The following NPAS2 variants were observed in gnomAD, a reference collection of about 807,000 sequenced individuals.
NPAS2 encodes neuronal PAS domain protein 2.
NPAS2 carries 23 observed loss-of-function variants against 107.5 expected under a neutral mutation model. The ratio of observed to expected loss-of-function variants is 0.21; its 90% CI spans 0.15 to 0.30. The LOEUF (loss-of-function observed/expected upper bound fraction) is 0.30. NPAS2 is among the 10% of genes least tolerant of loss of function. The probability of loss-of-function intolerance (pLI) is 1.00; values close to 1 mark genes in which losing one functional copy is unlikely to be tolerated. For missense variants in NPAS2, 756 were observed against 1,043.3 expected (o/e 0.72, Z 3.79); for synonymous variants, 403 against 417.5 (o/e 0.97, Z 0.42).
At chr2:100,851,787 C>CATG (rs1678191049) in intron 1 of NPAS2, among the ~76,000 whole-genome samples, 1 of 152,182 alleles carries the variant, frequency 6.6e-6, no homozygotes, top group Admixed American at 6.5e-5. Context: ...TGTCTGGGGT[C>CATG]ATGAGTCCAT....
chr2:100,849,789 A>C (rs919142251), intron 1 of NPAS2, among the ~76,000 whole-genome samples: 1 of 152,082 alleles, frequency 6.6e-6, no homozygotes. Context: ...AGGAATGGAC[A>C]CAGCGTGGTT....
rs1389285414 is a variant in NPAS2 at position 100,964,184 on chromosome 2, C to T, written c.717+8C>T. On this transcript the variant is annotated splice_region_variant and intron_variant, in intron 8 of 20. Coordinates refer to ENST00000335681, the MANE Select transcript of NPAS2 (RefSeq NM_002518.4). ...ACACCACAATTCTTAAAGGCAAGTA[C>T]CTGAGAGGCAGTTCATTGTGCGGAG... The T allele has an allele frequency of 6.5e-7, 1 of 1,537,646 alleles. No homozygotes were observed. Among genetic ancestry groups the T allele is most frequent in the African/African-American group, 1.4e-5 (1 of 73,390 alleles).
At chr2:100,911,614 C>G (rs1346744962) in intron 2 of NPAS2, among the ~76,000 whole-genome samples, 2 of 151,762 alleles carry the variant, frequency 1.3e-5, no homozygotes, top group Non-Finnish European at 2.9e-5. Context: ...TCTCTGTCAG[C>G]CTTTCTTATA....
intron 1 of NPAS2, among the ~76,000 whole-genome samples, chr2:100,838,172 G>A (rs1238827109): frequency 2.1e-5 from 3 of 145,066 alleles, no homozygotes; most frequent in African/African-American, 5.1e-5. Context: ...CCCTGGGTTA[G>A]CTTTTTTTTT....
Position 100,985,238 on chromosome 2 carries a change from CCTT to C in NPAS2, c.1630-2839_1630-2837del, listed in dbSNP as rs150794649. ...TTCCATCCAGCCATCATCTGTCCATCCTTCCATCCGTCCTTCCATCCAGCCGCC... is the reference window on the plus strand; with the variant it reads ...TTCCATCCAGCCATCATCTGTCCATCCCATCCGTCCTTCCATCCAGCCGCC... On this transcript the variant is annotated intron_variant, in intron 16 of 20. Transcript: ENST00000335681. The C allele has an allele frequency of 3.1e-3, 467 of 152,664 alleles. 1 individual carries two copies. The highest frequency in any genetic ancestry group is 0.011 in the African/African-American group (443 of 41,390). The allele number at this position is 152,664 out of a possible 1,614,324, so 9.5% of individuals were successfully genotyped here. A position where few individuals can be genotyped will look rare whatever the true frequency, so the allele number is the denominator to read the frequency against.
chr2:100,982,839 C>G (rs935826656), intron 16 of NPAS2: 38 of 168,058 alleles, frequency 2.3e-4, no homozygotes, highest in African/African-American at 8.4e-4. Flanking sequence ...ATATCCATAT[C>G]ACAGCCTACT....
At chr2:100,943,697 A>G (rs904903482) in intron 5 of NPAS2, among the ~76,000 whole-genome samples, 3 of 152,198 alleles carry the variant, frequency 2.0e-5, no homozygotes, top group African/African-American at 7.2e-5. Context: ...GACATGATTG[A>G]CATGTTTGAA....
intron 1 of NPAS2, among the ~76,000 whole-genome samples, chr2:100,899,226 T>C (rs1385188709): frequency 6.7e-6 from 1 of 149,360 alleles, no homozygotes; most frequent in Non-Finnish European, 1.5e-5. Flanking sequence ...TGGACTTCTT[T>C]TTTTTTTTTT....
At chr2:100,939,374 T>C (rs1674441402) in intron 5 of NPAS2, among the ~76,000 whole-genome samples, 2 of 152,024 alleles carry the variant, frequency 1.3e-5, no homozygotes, top group Non-Finnish European at 2.9e-5. Flanking sequence ...GGTGGGGAGC[T>C]GGGGGGCTCT....
chr2:100,888,378 G>A (rs776705406), intron 1 of NPAS2, among the ~76,000 whole-genome samples: 23 of 152,234 alleles, frequency 1.5e-4, no homozygotes, highest in African/African-American at 3.4e-4. Context: ...GGGATGAGCC[G>A]TGGGGGCGGA....
intron 5 of NPAS2, among the ~76,000 whole-genome samples, chr2:100,941,903 C>T (rs533912437): frequency 6.6e-6 from 1 of 152,264 alleles, no homozygotes; most frequent in East Asian, 1.9e-4. Context: ...TGCAGTGTTG[C>T]CTAATGAGCT....
chr2:100,904,627 C>A (rs761677129), intron 1 of NPAS2, 106 bp from the exon 2 acceptor site: 54 of 800,876 alleles, frequency 6.7e-5, no homozygotes, highest in Non-Finnish European at 9.2e-5. Context: ...GTTTGAGAAC[C>A]ACTGGGCTAA....
chr2:100,821,115 C>G (rs1676044281), intron 1 of NPAS2: 3 of 1,304,618 alleles, frequency 2.3e-6, no homozygotes, highest in Non-Finnish European at 3.0e-6. Context: ...CTGGGCAGGT[C>G]GGTAACCAGG....
At chr2:100,852,206 C>T (rs901933773) in intron 1 of NPAS2, among the ~76,000 whole-genome samples, 1 of 151,976 alleles carries the variant, frequency 6.6e-6, no homozygotes, top group African/African-American at 2.4e-5. Context: ...ACCATCCTGG[C>T]TAACACGGTG....
intron 3 of NPAS2, among the ~76,000 whole-genome samples, chr2:100,929,303 C>T (rs746860884): frequency 5.3e-5 from 8 of 152,128 alleles, no homozygotes; most frequent in African/African-American, 9.7e-5. Flanking sequence ...GAATCTAAGC[C>T]CAGCAGCCTG....
At chr2:100,960,047 GA>G (rs1488131289) in intron 7 of NPAS2, among the ~76,000 whole-genome samples, 1 of 152,104 alleles carries the variant, frequency 6.6e-6, no homozygotes, top group Non-Finnish European at 1.5e-5. Context: ...CATCATGGCT[GA>G]TTTGGGAGCT....
In NPAS2 at chr2:100,904,716, T is replaced by G; in HGVS notation, c.-22-17T>G. ...GTAATTATCCATTCTTTTTAATTTTTTTTTTTTTTTTTGCAGGAAAAACTG... is the reference window on the plus strand; with the variant it reads ...GTAATTATCCATTCTTTTTAATTTTGTTTTTTTTTTTTGCAGGAAAAACTG... On this transcript the variant is annotated splice_polypyrimidine_tract_variant and intron_variant, in intron 1 of 20. Coordinates refer to ENST00000335681, the MANE Select transcript of NPAS2 (RefSeq NM_002518.4). 6.7e-7 allele frequency: 1 copy of G among 1,493,466 alleles called. No individual in the cohort carries two copies. Among genetic ancestry groups the G allele is most frequent in the Non-Finnish European group, 9.1e-7 (1 of 1,093,060 alleles). 92.5% of individuals were successfully genotyped at this position (1,493,466 alleles called of 1,614,324 possible). A position where few individuals can be genotyped will look rare whatever the true frequency, so the allele number is the denominator to read the frequency against.
intron 1 of NPAS2, among the ~76,000 whole-genome samples, chr2:100,868,539 A>G (rs1469636999): frequency 6.6e-6 from 1 of 152,184 alleles, no homozygotes. Flanking sequence ...GTTTTCATAA[A>G]TTTTGGAAAA....
rs555526090 is a variant in NPAS2 at position 100,858,263 on chromosome 2, C to T, written c.-23+37849C>T. On this transcript the variant is annotated intron_variant, in intron 1 of 20. Transcript: ENST00000335681. ...GCTATCCATATTTTAAAACCGTGAC[C>T]AGCAAGACGTAGAGAAAGAAAGTGA... Among the ~76,000 whole-genome samples the T allele has an allele frequency of 3.3e-5, 5 of 152,256 alleles. No homozygotes were observed. The East Asian group carries it at 9.6e-4, about 29-fold the overall frequency.
Sources: allele counts gnomAD v4.1 joint callset (sites outside exome capture counted in the v4.1 genomes callset), GRCh38; gene constraint gnomAD v4.1.1; transcripts MANE v1.5; gene names NCBI Gene and HGNC (gene_info 2026-07-23, HGNC 2026-07-21).